The following FAT2 variants were observed in gnomAD, a reference collection of about 807,000 sequenced individuals.
The protein encoded by FAT2 is protocadherin Fat 2.
Under a neutral mutation model 295.3 loss-of-function variants are expected in FAT2, and 150 were observed. The observed-to-expected ratio is 0.51, with a 90% CI of 0.44 to 0.58. The LOEUF (loss-of-function observed/expected upper bound fraction) is 0.58. Ranked by LOEUF, FAT2 falls within the 20% of genes least tolerant of loss-of-function variation. The pLI, the probability that FAT2 is intolerant of heterozygous loss-of-function variation, is 0.00. For synonymous variants in FAT2, 2,026 were observed against 2,150.3 expected, an observed-to-expected ratio of 0.94 and a Z score of 1.60; for missense variants, 4,868 against 5,442.7, an observed-to-expected ratio of 0.89 and a Z score of 3.32.
At chr5:151,574,901 G>A (rs974565066) in intron 1 of FAT2, among the ~76,000 whole-genome samples, 6 of 152,228 alleles carry the variant, frequency 3.9e-5, no homozygotes, top group South Asian at 2.1e-4. Context: ...ACTTGAGAAT[G>A]CCACACAATC....
In FAT2 at chr5:151,521,256, A is replaced by C; in HGVS notation, c.11317+20T>G. On this transcript the variant is annotated intron_variant, in intron 19 of 23. Coordinates refer to ENST00000261800, the MANE Select transcript of FAT2 (RefSeq NM_001447.3). ...GAGCCCAGCAGTGCTGCTCGTCCCTAGGGAAGATGTAGTACTTACCATTGC... is the reference window on the plus strand; with the variant it reads ...GAGCCCAGCAGTGCTGCTCGTCCCTCGGGAAGATGTAGTACTTACCATTGC... The C allele has an allele frequency of 6.3e-7, 1 of 1,579,102 alleles. No homozygotes were observed. The highest frequency in any genetic ancestry group is 8.6e-7 in the Non-Finnish European group (1 of 1,158,258).
chr5:151,525,646 GT>G (rs1190147000), intron 18 of FAT2, 121 bp downstream of exon 18: 2 of 1,062,180 alleles, frequency 1.9e-6, no homozygotes. Context: ...ACCTAGCCCA[GT>G]GCCTGATGCA....
At position 151,568,628 on chromosome 5, in the gene FAT2, T is replaced by C; in HGVS notation, c.304A>G (p.Ser102Gly). The C allele has an allele frequency of 6.2e-7, 1 of 1,614,202 alleles. No individual in the cohort carries two copies. Among genetic ancestry groups the C allele is most frequent in the Non-Finnish European group, 8.5e-7 (1 of 1,180,022 alleles). ...TCTCTGTTCAGAAGAGCTGTGTTGC[T>C]GCTCTTTGTCCTTATTCTTAGGAAG... is the stretch of plus-strand genomic sequence containing the variant. Reference protein sequence around the residue: ...FCFLRIRTKSSNTALLNREVR... With the variant: ...FCFLRIRTKSGNTALLNREVR... The change falls in exon 2 of 24, where the codon AGC becomes GGC. Residue 102 changes from serine (S) to glycine (G), a missense_variant. Physicochemically the swap from Ser to Gly is moderately conservative, Grantham distance 56. Transcript: ENST00000261800.
At chr5:151,575,005 A>G (rs1370486555) in intron 1 of FAT2, among the ~76,000 whole-genome samples, 1 of 152,234 alleles carries the variant, frequency 6.6e-6, no homozygotes, top group African/African-American at 2.4e-5. Flanking sequence ...AGATAATTTG[A>G]CAGGTGAAAG....
In FAT2 at chr5:151,521,498, G is replaced by A. The variant is rs1239475116; in HGVS notation, c.11095C>T (p.Leu3699=). 1 of 1,614,100 alleles carries A rather than the reference G, an allele frequency of 6.2e-7. No homozygotes were observed. Among genetic ancestry groups the A allele is most frequent in the Non-Finnish European group, 8.5e-7 (1 of 1,180,044 alleles). Residue 3699 remains leucine, a synonymous_variant, in exon 19 of 24, where the codon CTA becomes TTA. Transcript: ENST00000261800. ...GCTGAGTGAGTGATGATGGATGCTAGCTCCTGAAACTCGTAGAAGGTTCCA... is the reference window on the plus strand; with the variant it reads ...GCTGAGTGAGTGATGATGGATGCTAACTCCTGAAACTCGTAGAAGGTTCCA... ...HSGTFYEFQE[L]ASIITHSAKE...
chr5:151,568,598 G>A lies in FAT2; in HGVS notation c.334C>T (p.Arg112Ter), dbSNP rs1403035184. The change falls in exon 2 of 24, where the codon CGA becomes TGA. Residue 112 changes from arginine to a stop codon, truncating the protein, a stop_gained. Coordinates refer to ENST00000261800, the MANE Select transcript of FAT2 (RefSeq NM_001447.3). LOFTEE classifies it high-confidence loss of function. ...SNTALLNREVRDSYTLIIQAT... is the reference protein window; with the variant it reads ...SNTALLNREV Reference sequence around the variant, plus strand: ...TGGATGATGAGGGTGTAGCTGTCTCGCACCTCTCTGTTCAGAAGAGCTGTG... The same window carrying A: ...TGGATGATGAGGGTGTAGCTGTCTCACACCTCTCTGTTCAGAAGAGCTGTG... 6.8e-6 allele frequency: 11 copies of A among 1,613,958 alleles called. No homozygotes were observed. The highest frequency in any genetic ancestry group is 4.0e-5 in the African/African-American group (3 of 74,892).
At chr5:151,524,942 C>G (rs1050078137) in intron 18 of FAT2, among the ~76,000 whole-genome samples, 1 of 152,196 alleles carries the variant, frequency 6.6e-6, no homozygotes, top group African/African-American at 2.4e-5. Context: ...ACTTCCTTAT[C>G]ATCATTTGTA....
chr5:151,586,895 C>A (rs984922269), intron 1 of FAT2, among the ~76,000 whole-genome samples: 3 of 152,180 alleles, frequency 2.0e-5, no homozygotes, highest in African/African-American at 7.2e-5. Context: ...AATCCCAGCA[C>A]TTTGGGAGGT....
rs749857465 is a variant in FAT2, at chr5:151,566,737, G to A, written c.2195C>T (p.Thr732Ile). The A allele has an allele frequency of 3.7e-6, 6 of 1,614,050 alleles. No individual in the cohort carries two copies. In the African/African-American group the frequency reaches 4.0e-5, roughly 11 times the overall value. Residue 732 changes from threonine to isoleucine, a missense_variant, in exon 2 of 24, where the codon ACC becomes ATC. Coordinates refer to ENST00000261800, the MANE Select transcript of FAT2 (RefSeq NM_001447.3). Reference protein sequence around the residue: ...IDVLESVPINTPLARLAATDP... With the variant: ...IDVLESVPINIPLARLAATDP... ...AGTGGCTGCTAGGCGGGCCAAGGGG[G>A]TGTTGATAGGGACACTCTCAAGGAC... is the stretch of plus-strand genomic sequence containing the variant.
chr5:151,544,303 A>G lies in FAT2; in HGVS notation c.6824T>C (p.Leu2275Ser). ...VNDNPPTFSQLVYTTSISEGL... is the reference protein window; with the variant it reads ...VNDNPPTFSQSVYTTSISEGL... Reference sequence around the variant, plus strand: ...TTCTGAGATGGAAGTGGTATAGACCAATTGGGAAAAAGTGGGAGGGTTATC... The same window carrying G: ...TTCTGAGATGGAAGTGGTATAGACCGATTGGGAAAAAGTGGGAGGGTTATC... The change falls in exon 10 of 24, where the codon TTG becomes TCG. Residue 2275 changes from leucine to serine, a missense_variant. Physicochemically the swap from Leu to Ser is moderately radical, Grantham distance 145 (BLOSUM62 -2). Transcript: ENST00000261800. The G allele has an allele frequency of 6.2e-7, 1 of 1,614,218 alleles. No individual in the cohort carries two copies. Among genetic ancestry groups the G allele is most frequent in the Non-Finnish European group, 8.5e-7 (1 of 1,180,034 alleles).
chr5:151,541,563 G>C (rs955526463), intron 10 of FAT2, among the ~76,000 whole-genome samples: 1 of 152,324 alleles, frequency 6.6e-6, no homozygotes, highest in Admixed American at 6.5e-5. Context: ...CATGGGAATG[G>C]GGGGACATGG....
In FAT2 at chr5:151,543,100, G is replaced by A; in HGVS notation, c.8027C>T (p.Pro2676Leu). 1 of 1,614,148 alleles carries A rather than the reference G, an allele frequency of 6.2e-7. No individual in the cohort carries two copies. The change falls in exon 10 of 24, where the codon CCA (proline) becomes CTA (leucine). Residue 2676 changes from proline (P) to leucine (L), a missense_variant. Physicochemically the swap from Pro to Leu is moderately conservative, Grantham distance 98. This residue lies in a region of FAT2 where 3,297 missense variants were observed against 3,669.4 expected (regional missense o/e 0.90). Transcript: ENST00000261800. ...GGPPHWNSLV[P>L]VRLQVVPKKV... is the part of the protein sequence containing the mutation. ...TTTAGGAACCACCTGAAGTCGTACT[G>A]GCACCAGAGAGTTCCAGTGAGGAGG...
intron 2 of FAT2, among the ~76,000 whole-genome samples, chr5:151,564,847 T>C (rs113513328): frequency 0.049 from 7,377 of 151,960 alleles, 243 homozygotes; most frequent in East Asian, 0.091. Context: ...CCAAGACGGG[T>C]GGATCACCTG....
chr5:151,508,708 TC>T (rs1483327804), intron 22 of FAT2, among the ~76,000 whole-genome samples: 1 of 134,526 alleles, frequency 7.4e-6, no homozygotes, highest in Non-Finnish European at 1.5e-5. Context: ...AAACTCCTTC[TC>T]AAAAAAAAAA....
chr5:151,552,455 T>C (rs1191692527), intron 6 of FAT2, among the ~76,000 whole-genome samples: 1 of 152,178 alleles, frequency 6.6e-6, no homozygotes, highest in African/African-American at 2.4e-5. Flanking sequence ...CAGAAAACTG[T>C]ACCAGGACTC....
At chr5:151,576,755 A>G (rs760293449) in intron 1 of FAT2, among the ~76,000 whole-genome samples, 6 of 152,184 alleles carry the variant, frequency 3.9e-5, no homozygotes, top group Non-Finnish European at 8.8e-5. Flanking sequence ...AGCCACTGAA[A>G]TAATTTCTCT....
At chr5:151,527,592 T>C (rs574264480) in intron 16 of FAT2, among the ~76,000 whole-genome samples, 23 of 152,228 alleles carry the variant, frequency 1.5e-4, no homozygotes, top group Non-Finnish European at 2.8e-4. Flanking sequence ...AATGAGACCT[T>C]GGGAAAGTGA....
chr5:151,556,784 G>T (rs1300069069), intron 3 of FAT2, among the ~76,000 whole-genome samples: 1 of 152,160 alleles, frequency 6.6e-6, no homozygotes, highest in Non-Finnish European at 1.5e-5. Context: ...GCGCATACGA[G>T]GTAGGCAAGG....
chr5:151,506,127 T>C (rs899684626), intron 23 of FAT2, 30 bp from the exon 24 acceptor site: 1 of 1,492,526 alleles, frequency 6.7e-7, no homozygotes, highest in African/African-American at 1.4e-5. Context: ...TAGGGTGAGC[T>C]CATTTTCTCC....
Sources: gnomAD v4.1 joint callset for allele counts (sites outside exome capture counted in the v4.1 genomes callset) on GRCh38, gnomAD v4.1.1 for gene constraint, gnomAD v4.1.1 regional missense constraint, MANE v1.5 for transcripts, NCBI Gene and HGNC (gene_info 2026-07-23, HGNC 2026-07-21) for gene names.